Variants in NSUN4 observed in about 807,000 individuals in gnomAD.
The protein encoded by NSUN4 is 5-cytosine rRNA methyltransferase NSUN4.
NSUN4 carries 31 observed loss-of-function variants against 43.8 expected under a neutral mutation model. The observed-to-expected ratio is 0.71, with a 90% confidence interval of 0.53 to 0.96. The LOEUF (loss-of-function observed/expected upper bound fraction) is 0.96, where lower values mean the gene tolerates loss of function less well. Ranked by LOEUF, NSUN4 falls within the 40% of genes least tolerant of loss-of-function variation. The pLI is 0.00. For missense variants in NSUN4, 439 were observed against 475.6 expected (o/e 0.92, Z 0.72); for synonymous variants, 167 against 184.1 (o/e 0.91, Z 0.75).
the NSUN4 span, among the ~76,000 whole-genome samples, chr1:46,382,217 C>T: frequency 2.0e-5 from 3 of 152,234 alleles, no homozygotes; most frequent in African/African-American, 7.2e-5. Flanking sequence ...GCACCTCCAC[C>T]CGGGAGCCCC....
At chr1:46,341,278 C>T (rs1662082662) in intron 1 of NSUN4, 2 of 1,031,932 alleles carry the variant, frequency 1.9e-6, no homozygotes, top group Non-Finnish European at 2.3e-6. Flanking sequence ...TTCCCTTGCC[C>T]ATTCTTCCCC....
chr1:46,361,001 G>A (rs1025679166), intron 5 of NSUN4, among the ~76,000 whole-genome samples, 173 bp downstream of exon 5: 2 of 152,100 alleles, frequency 1.3e-5, no homozygotes, highest in African/African-American at 4.8e-5. Context: ...ATTTGAATTA[G>A]CTGGGTGTGG....
Position 46,363,721 on chromosome 1 carries a change from A to G in NSUN4, c.*1875A>G, listed in dbSNP as rs1229625852. ...GAAATAACCCAGATGCCCATGAGCA[A>G]GAGAGTGGACAAGTAAACTGGAATA... is the stretch of plus-strand genomic sequence containing the variant. On this transcript the variant is annotated 3_prime_UTR_variant, in exon 6 of 6. Coordinates refer to ENST00000474844, the MANE Select transcript of NSUN4 (RefSeq NM_199044.4). 6.6e-6 allele frequency: 1 copy of G among 152,646 alleles called. No individual in the cohort carries two copies. Among genetic ancestry groups the G allele is most frequent in the Non-Finnish European group, 1.5e-5 (1 of 68,046 alleles). 9.5% of individuals were successfully genotyped at this position (152,646 alleles called of 1,614,324 possible). A position where few individuals can be genotyped will look rare whatever the true frequency, so the allele number is the denominator to read the frequency against.
intron 4 of NSUN4, among the ~76,000 whole-genome samples, chr1:46,356,014 C>CA (rs56024628): frequency 3.6e-3 from 449 of 123,506 alleles, no homozygotes; most frequent in Admixed American, 6.1e-3. Flanking sequence ...GACTTTGTCT[C>CA]AAAAAAAAAA....
chr1:46,342,761 C>T (rs1322579100), intron 1 of NSUN4: 1 of 399,154 alleles, frequency 2.5e-6, no homozygotes, highest in Non-Finnish European at 4.4e-6. Context: ...AACCGAAGTC[C>T]CCTAAGTCCC....
At chr1:46,343,470 A>G in intron 1 of NSUN4, 1 of 399,576 alleles carries the variant, frequency 2.5e-6, no homozygotes, top group East Asian at 3.6e-5. Flanking sequence ...CAAGGATTCC[A>G]GCTGTAGCAC....
intron 3 of NSUN4, among the ~76,000 whole-genome samples, chr1:46,348,987 G>A (rs1424580721): frequency 6.6e-6 from 1 of 151,342 alleles, no homozygotes; most frequent in African/African-American, 2.4e-5. Flanking sequence ...GATAATTTTT[G>A]TATTTTTAGT....
At chr1:46,383,601 G>A in the NSUN4 span, among the ~76,000 whole-genome samples, 3 of 151,444 alleles carry the variant, frequency 2.0e-5, no homozygotes, top group East Asian at 1.9e-4. Context: ...GACTACAGGC[G>A]CCTGCCACCA....
rs1404252686 is a variant in NSUN4 at position 46,363,906 on chromosome 1, A to G, written c.*2060A>G. 2 of 152,312 alleles carry G rather than the reference A, an allele frequency of 1.3e-5. No individual in the cohort carries two copies. The highest frequency in any genetic ancestry group is 2.4e-5 in the African/African-American group (1 of 41,580). The allele number at this position is 152,312 out of a possible 1,614,324, so 9.4% of individuals were successfully genotyped here. On this transcript the variant is annotated 3_prime_UTR_variant, in exon 6 of 6. Transcript: ENST00000474844. Reference sequence around the variant, plus strand: ...CTAAATGAAAGGTTTTTTCTTTTCTATGGAGTTATTCTTTACATACAATAT... The same window carrying G: ...CTAAATGAAAGGTTTTTTCTTTTCTGTGGAGTTATTCTTTACATACAATAT...
chr1:46,369,032 A>G (rs1317742600), downstream of NSUN4, among the ~76,000 whole-genome samples: 1 of 152,172 alleles, frequency 6.6e-6, no homozygotes, highest in Non-Finnish European at 1.5e-5. Context: ...CTATCCATGC[A>G]TAGCATACCC....
chr1:46,362,172 A>G lies in NSUN4; in HGVS notation c.*326A>G, dbSNP rs1349105494. On this transcript the variant is annotated 3_prime_UTR_variant, in exon 6 of 6. Transcript: ENST00000474844. ...TAAACATAGGAGAAGCATTTGGCCA[A>G]TAAAGTTGTTGAAACTCTATAGACC... The G allele has an allele frequency of 6.0e-5, 20 of 332,258 alleles. No homozygotes were observed. Among genetic ancestry groups the G allele is most frequent in the South Asian group, 3.5e-4 (9 of 25,810 alleles). The allele number at this position is 332,258 out of a possible 1,614,324, so 20.6% of individuals were successfully genotyped here.
chr1:46,367,682 T>C (rs1320289833), downstream of NSUN4, among the ~76,000 whole-genome samples: 1 of 152,086 alleles, frequency 6.6e-6, no homozygotes, highest in Non-Finnish European at 1.5e-5. Flanking sequence ...TCAGCTGATA[T>C]ACTCTTTTTA....
At position 46,362,211 on chromosome 1, in the gene NSUN4, G is replaced by T; in HGVS notation, c.*365G>T. ...ACTCTATAGACCTGGGGCTGCAGTT[G>T]GGGACTTCATGTCAGTGCAAATGCC... On this transcript the variant is annotated 3_prime_UTR_variant, in exon 6 of 6. Coordinates refer to ENST00000474844, the MANE Select transcript of NSUN4 (RefSeq NM_199044.4). The T allele has an allele frequency of 4.2e-6, 1 of 240,526 alleles. No homozygotes were observed. Among genetic ancestry groups the T allele is most frequent in the Non-Finnish European group, 8.1e-6 (1 of 122,902 alleles). 14.9% of individuals were successfully genotyped at this position (240,526 alleles called of 1,614,324 possible). A position where few individuals can be genotyped will look rare whatever the true frequency, so the allele number is the denominator to read the frequency against.
the NSUN4 span, among the ~76,000 whole-genome samples, chr1:46,380,909 C>T: frequency 6.6e-6 from 1 of 152,138 alleles, no homozygotes; most frequent in African/African-American, 2.4e-5. Context: ...ATGCTAGGCC[C>T]TGTTCTGGTT....
intron 1 of NSUN4, 151 bp downstream of exon 1, chr1:46,341,070 C>T (rs997180926): frequency 1.0e-4 from 115 of 1,138,072 alleles, no homozygotes; most frequent in Non-Finnish European, 1.3e-4. Flanking sequence ...TTTCCGTCAC[C>T]GCCTCTGTCC....
the NSUN4 span, among the ~76,000 whole-genome samples, chr1:46,380,609 C>T: frequency 6.6e-6 from 1 of 152,184 alleles, no homozygotes; most frequent in Non-Finnish European, 1.5e-5. Context: ...CTGTTCCAAG[C>T]TCTTTGCTTG....
At chr1:46,383,710 C>A in the NSUN4 span, among the ~76,000 whole-genome samples, 3 of 152,178 alleles carry the variant, frequency 2.0e-5, no homozygotes, top group African/African-American at 7.2e-5. Context: ...CCGCCTCTGC[C>A]TCCCAAAGTG....
intron 1 of NSUN4, chr1:46,342,592 C>T: frequency 2.5e-6 from 1 of 399,598 alleles, no homozygotes; most frequent in Non-Finnish European, 4.4e-6. Flanking sequence ...GACACCACAA[C>T]TTCTGGTCCC....
chr1:46,340,819 A>G lies in NSUN4; in HGVS notation c.-8A>G, dbSNP rs1181360784. Reference sequence around the variant, plus strand: ...TCCGGTCGGAATTACCCCGTGGAGCACGCCGATATGGCTGCGCTGACACTG... The same window carrying G: ...TCCGGTCGGAATTACCCCGTGGAGCGCGCCGATATGGCTGCGCTGACACTG... On this transcript the variant is annotated 5_prime_UTR_variant, in exon 1 of 6. Coordinates refer to ENST00000474844, the MANE Select transcript of NSUN4 (RefSeq NM_199044.4). 1.2e-6 allele frequency: 2 copies of G among 1,608,006 alleles called. No individual in the cohort carries two copies. Among genetic ancestry groups the G allele is most frequent in the African/African-American group, 1.3e-5 (1 of 74,716 alleles).
Sources: gnomAD v4.1 joint callset for allele counts (sites outside exome capture counted in the v4.1 genomes callset) on GRCh38, gnomAD v4.1.1 for gene constraint, MANE v1.5 for transcripts, NCBI Gene and HGNC (gene_info 2026-07-23, HGNC 2026-07-21) for gene names.